FGD4: variants seen among roughly 807,000 people sequenced by gnomAD.
FGD4 encodes the protein FYVE, RhoGEF and PH domain containing 4.
A neutral mutation model predicts 102.0 loss-of-function variants in FGD4; 42 were observed. The ratio of observed to expected loss-of-function variants is 0.41; its 90% CI spans 0.32 to 0.53. The LOEUF (loss-of-function observed/expected upper bound fraction) is 0.53, where lower values mean the gene tolerates loss of function less well. Among genes scored for constraint, FGD4 ranks in the 20% least tolerant of loss-of-function variants. FGD4 has a pLI of 0.21. For synonymous variants in FGD4, 380 were observed against 375.7 expected, an observed-to-expected ratio of 1.01 and a Z score of -0.13; for missense variants, 902 against 1,078.2, an observed-to-expected ratio of 0.84 and a Z score of 2.29.
At chr12:32,537,231 G>T (rs1234017005) in intron 1 of FGD4, among the ~76,000 whole-genome samples, 3 of 152,048 alleles carry the variant, frequency 2.0e-5, no homozygotes, top group Non-Finnish European at 4.4e-5. Context: ...TATTTCTTAT[G>T]CTTAGTCCCA....
intron 1 of FGD4, among the ~76,000 whole-genome samples, chr12:32,457,408 C>G (rs1175426027): frequency 6.6e-6 from 1 of 152,144 alleles, no homozygotes; most frequent in Non-Finnish European, 1.5e-5. Flanking sequence ...ACTGTAGTTA[C>G]TAGATTTTCC....
At chr12:32,598,370 A>T (rs1948077785) in intron 4 of FGD4, 127 bp from the exon 5 acceptor site, 2 of 659,992 alleles carry the variant, frequency 3.0e-6, no homozygotes, top group South Asian at 4.0e-5. Context: ...TTGATGGCTG[A>T]AAGAACCGAG....
chr12:32,480,453 C>T lies in FGD4; in HGVS notation c.166+80494C>T, dbSNP rs983997746. ...CTGAGATTACAGGTGTGAGCCACAA[C>T]GCCCAACCTGTTTGTTTTTTCTTCT... On this transcript the variant is annotated intron_variant, in intron 1 of 16. Coordinates refer to ENST00000534526, the MANE Select transcript of FGD4 (RefSeq NM_001370298.3). Among the ~76,000 whole-genome samples the T allele has an allele frequency of 5.3e-5, 8 of 151,908 alleles. No homozygotes were observed. In the South Asian group the frequency reaches 6.2e-4, roughly 12 times the overall value.
chr12:32,475,824 G>A (rs1184053421), intron 1 of FGD4, among the ~76,000 whole-genome samples: 12 of 152,140 alleles, frequency 7.9e-5, no homozygotes. Context: ...TTGCCCTAAG[G>A]CCATTTCTTA....
At chr12:32,521,170 C>T (rs939862574) in intron 1 of FGD4, among the ~76,000 whole-genome samples, 39 of 151,842 alleles carry the variant, frequency 2.6e-4, no homozygotes, top group African/African-American at 6.3e-4. Context: ...GGGTGGATCA[C>T]GAGGTCAGGA....
chr12:32,502,067 C>T (rs769122898), intron 1 of FGD4: 226 of 985,298 alleles, frequency 2.3e-4, no homozygotes, highest in Non-Finnish European at 2.5e-4. Context: ...GCGATTGTTA[C>T]CCAATAAGCA....
intron 2 of FGD4, among the ~76,000 whole-genome samples, chr12:32,566,528 G>C (rs1317172160): frequency 6.6e-6 from 1 of 151,964 alleles, no homozygotes; most frequent in Non-Finnish European, 1.5e-5. Context: ...CTGCTATATT[G>C]CTGCATTTCT....
chr12:32,431,048 A>T (rs1408270503), intron 1 of FGD4, among the ~76,000 whole-genome samples: 2 of 152,242 alleles, frequency 1.3e-5, no homozygotes, highest in Non-Finnish European at 2.9e-5. Flanking sequence ...TTGGAACTGA[A>T]TGAACAACTG....
chr12:32,643,205 G>A lies in FGD4; in HGVS notation c.*2672G>A, dbSNP rs1951246249. On this transcript the variant is annotated 3_prime_UTR_variant, in exon 17 of 17. Coordinates refer to ENST00000534526, the MANE Select transcript of FGD4 (RefSeq NM_001370298.3). ...CGTGTTAAGTATGAAATATAGTGCAGACTTTTATCTTGGTTTTAAGTGGGG... is the reference window on the plus strand; with the variant it reads ...CGTGTTAAGTATGAAATATAGTGCAAACTTTTATCTTGGTTTTAAGTGGGG... 6.6e-6 allele frequency: 1 copy of A among 152,470 alleles called. No individual in the cohort carries two copies. Among genetic ancestry groups the A allele is most frequent in the African/African-American group, 2.4e-5 (1 of 41,428 alleles). The allele number at this position is 152,470 out of a possible 1,614,324, so 9.4% of individuals were successfully genotyped here. A position where few individuals can be genotyped will look rare whatever the true frequency, so the allele number is the denominator to read the frequency against.
At chr12:32,419,400 G>T (rs1045565348) in intron 1 of FGD4, among the ~76,000 whole-genome samples, 1 of 152,168 alleles carries the variant, frequency 6.6e-6, no homozygotes, top group Admixed American at 6.6e-5. Flanking sequence ...TAGTCAGCAG[G>T]GGGTAAATCC....
intron 1 of FGD4, among the ~76,000 whole-genome samples, chr12:32,511,662 A>G (rs893788349): frequency 5.9e-5 from 9 of 152,176 alleles, no homozygotes; most frequent in African/African-American, 2.2e-4. Flanking sequence ...ATAGTACATT[A>G]ACAGCTGTGC....
intron 2 of FGD4, among the ~76,000 whole-genome samples, chr12:32,572,797 T>G (rs1347971064): frequency 1.3e-5 from 2 of 152,246 alleles, no homozygotes; most frequent in Non-Finnish European, 2.9e-5. Flanking sequence ...TACTGGTCCT[T>G]TCTAATTTGT....
At chr12:32,605,603 G>A (rs1948727587) in intron 7 of FGD4, among the ~76,000 whole-genome samples, 1 of 152,064 alleles carries the variant, frequency 6.6e-6, no homozygotes, top group Non-Finnish European at 1.5e-5. Flanking sequence ...TGAATATCTT[G>A]TCATCCAAAC....
At chr12:32,514,803 A>G (rs1430145754) in intron 1 of FGD4, among the ~76,000 whole-genome samples, 2 of 152,248 alleles carry the variant, frequency 1.3e-5, no homozygotes, top group African/African-American at 4.8e-5. Context: ...TTTACTAAAC[A>G]TTGTTGGGAA....
Position 32,562,870 on chromosome 12 carries a change from C to G in FGD4, c.167-1267C>G, listed in dbSNP as rs533265104. On this transcript the variant is annotated intron_variant, in intron 1 of 16. Transcript: ENST00000534526. ...CTCAATCTTTTCCCCACCTTTCCCC[C>G]CTTTCTATTCCACAAAACCGCCATT... 2.7e-3 allele frequency among the ~76,000 whole-genome samples: 415 copies of G among 152,222 alleles called. 3 individuals carry two copies. Among genetic ancestry groups the G allele is most frequent in the African/African-American group, 8.1e-3 (335 of 41,568 alleles).
At chr12:32,639,184 A>G (rs911383377) in intron 16 of FGD4, among the ~76,000 whole-genome samples, 4 of 152,104 alleles carry the variant, frequency 2.6e-5, no homozygotes, top group Non-Finnish European at 4.4e-5. Flanking sequence ...TTTCTTTGTG[A>G]CAGAGTTTTG....
In FGD4 at chr12:32,602,157, A is replaced by G. The variant is rs1363558225; in HGVS notation, c.1248-4A>G. On this transcript the variant is annotated splice_polypyrimidine_tract_variant and splice_region_variant and intron_variant, in intron 6 of 16. Coordinates refer to ENST00000534526, the MANE Select transcript of FGD4 (RefSeq NM_001370298.3). ...AAAGACTTGTTTTTCTATATTTGATACAGGGAAACTACTCCTAGAATTGGA... is the reference window on the plus strand; with the variant it reads ...AAAGACTTGTTTTTCTATATTTGATGCAGGGAAACTACTCCTAGAATTGGA... 3.1e-6 allele frequency: 5 copies of G among 1,613,696 alleles called. No homozygotes were observed. The highest frequency in any genetic ancestry group is 3.4e-6 in the Non-Finnish European group (4 of 1,179,982).
At chr12:32,430,098 A>G (rs966227756) in intron 1 of FGD4, among the ~76,000 whole-genome samples, 4 of 152,166 alleles carry the variant, frequency 2.6e-5, no homozygotes, top group African/African-American at 9.7e-5. Flanking sequence ...ACCTGAGGTC[A>G]GGAGTTTGGG....
chr12:32,411,175 C>T lies in FGD4; in HGVS notation c.166+11216C>T, dbSNP rs1485437872. Among the ~76,000 whole-genome samples, 8 of 151,810 alleles carry T rather than the reference C, an allele frequency of 5.3e-5. No homozygotes were observed. The East Asian group carries it at 1.0e-3, about 19-fold the overall frequency. The stretch of plus-strand genomic sequence containing the variant: ...AACTCCTGACCTCAGTCAATCCACC[C>T]GGCTCAGCCTCCCAAAGTGCTAGGA... On this transcript the variant is annotated intron_variant, in intron 1 of 16. Transcript: ENST00000534526.
Sources: gnomAD v4.1 joint callset for allele counts (sites outside exome capture counted in the v4.1 genomes callset) on GRCh38, gnomAD v4.1.1 for gene constraint, MANE v1.5 for transcripts, NCBI Gene and HGNC (gene_info 2026-07-23, HGNC 2026-07-21) for gene names.